NLGN1: variants seen among roughly 807,000 people sequenced by gnomAD.
NLGN1 encodes the protein neuroligin 1, also known as neuroligin-1.
Under a neutral mutation model 65.5 loss-of-function variants are expected in NLGN1, and 12 were observed. The observed-to-expected ratio is 0.18, with a 90% CI of 0.12 to 0.30. The LOEUF (loss-of-function observed/expected upper bound fraction) is 0.30, where lower values mean the gene tolerates loss of function less well. Ranked by LOEUF, NLGN1 falls within the 10% of genes least tolerant of loss-of-function variation. NLGN1 has a pLI of 1.00. For synonymous variants in NLGN1, 350 were observed against 359.5 expected (o/e 0.97, Z 0.30); for missense variants, 750 against 1,007.1 (o/e 0.74, Z 3.46).
chr3:173,947,020 TCA>T (rs1747299466), intron 4 of NLGN1, among the ~76,000 whole-genome samples: 1 of 151,568 alleles, frequency 6.6e-6, no homozygotes, highest in Non-Finnish European at 1.5e-5. Context: ...GGAAACAAAA[TCA>T]CAGATTGTTA....
chr3:174,109,934 A>G (rs1300452946), intron 4 of NLGN1, among the ~76,000 whole-genome samples: 1 of 152,072 alleles, frequency 6.6e-6, no homozygotes, highest in African/African-American at 2.4e-5. Context: ...AAAAGGAGCC[A>G]ATGCAAACGC....
intron 4 of NLGN1, among the ~76,000 whole-genome samples, chr3:173,952,930 A>G (rs1748506796): frequency 6.6e-6 from 1 of 151,734 alleles, no homozygotes; most frequent in Admixed American, 6.6e-5. Context: ...GGCACACAAC[A>G]CCCACACCAG....
intron 2 of NLGN1, among the ~76,000 whole-genome samples, chr3:173,538,886 TG>T (rs1737916032): frequency 6.6e-6 from 1 of 151,750 alleles, no homozygotes; most frequent in Non-Finnish European, 1.5e-5. Flanking sequence ...TTTTTTTTTT[TG>T]CTCATTCAGA....
At chr3:174,244,608 G>C (rs1743454531) in intron 4 of NLGN1, among the ~76,000 whole-genome samples, 1 of 152,158 alleles carries the variant, frequency 6.6e-6, no homozygotes, top group South Asian at 2.1e-4. Context: ...TTTAAAAGGA[G>C]ATGATTAAAA....
chr3:174,248,720 C>G (rs954243788), intron 4 of NLGN1, among the ~76,000 whole-genome samples: 3 of 152,164 alleles, frequency 2.0e-5, no homozygotes, highest in Non-Finnish European at 4.4e-5. Flanking sequence ...GAGATCGTGC[C>G]ACTGCACTGT....
At chr3:173,978,837 A>ATT in intron 4 of NLGN1, among the ~76,000 whole-genome samples, 1 of 143,944 alleles carries the variant, frequency 6.9e-6, no homozygotes, top group South Asian at 2.2e-4. Context: ...CTCTAATTAA[A>ATT]AAAAAAAAAA....
chr3:174,111,022 C>G (rs908137494), intron 4 of NLGN1, among the ~76,000 whole-genome samples: 2 of 151,926 alleles, frequency 1.3e-5, no homozygotes, highest in Non-Finnish European at 2.9e-5. Flanking sequence ...GGGCACCATC[C>G]AGCATTAAGC....
chr3:173,666,990 G>A (rs919488151), intron 3 of NLGN1, among the ~76,000 whole-genome samples: 7 of 151,956 alleles, frequency 4.6e-5, no homozygotes, highest in African/African-American at 1.7e-4. Context: ...GAACTTCTTG[G>A]ACATAAAATA....
At chr3:174,166,929 T>A (rs144494227) in intron 4 of NLGN1, among the ~76,000 whole-genome samples, 2 of 152,254 alleles carry the variant, frequency 1.3e-5, no homozygotes, top group Non-Finnish European at 2.9e-5. Context: ...TTTGTTAATA[T>A]GTAATGCCCT....
At chr3:173,564,354 C>T (rs868082707) in intron 2 of NLGN1, among the ~76,000 whole-genome samples, 1 of 152,324 alleles carries the variant, frequency 6.6e-6, no homozygotes. Flanking sequence ...CTTAGGAAGA[C>T]ATTAAGTAAA....
At chr3:174,015,122 A>G (rs1481038779) in intron 4 of NLGN1, among the ~76,000 whole-genome samples, 1 of 152,108 alleles carries the variant, frequency 6.6e-6, no homozygotes, top group Non-Finnish European at 1.5e-5. Context: ...ATTTGTTCTT[A>G]TAGAATTTAT....
At chr3:174,261,674 T>G (rs925122534) in intron 4 of NLGN1, among the ~76,000 whole-genome samples, 29 of 137,216 alleles carry the variant, frequency 2.1e-4, no homozygotes, top group Admixed American at 7.6e-4. Context: ...GAATACCCTT[T>G]ATTTCCTTCT....
At chr3:173,702,132 G>T (rs953070244) in intron 3 of NLGN1, among the ~76,000 whole-genome samples, 2 of 148,958 alleles carry the variant, frequency 1.3e-5, no homozygotes, top group Non-Finnish European at 3.0e-5. Context: ...CCAGCTACTC[G>T]GGAGGCTGAG....
intron 1 of NLGN1, among the ~76,000 whole-genome samples, chr3:173,404,315 A>T (rs951441225): frequency 6.6e-6 from 1 of 152,082 alleles, no homozygotes; most frequent in African/African-American, 2.4e-5. Context: ...TTTGTGATGG[A>T]TGTTGGTGAT....
In NLGN1 at chr3:173,978,862, G is replaced by A. The variant is rs565929098; in HGVS notation, c.646+171030G>A. 8.5e-5 allele frequency among the ~76,000 whole-genome samples: 12 copies of A among 141,690 alleles called. No homozygotes were observed. The East Asian group carries it at 2.1e-3, about 24-fold the overall frequency. The allele number at this position is 141,690 out of a possible 152,430, so 93.0% of individuals were successfully genotyped here. A position where few individuals can be genotyped will look rare whatever the true frequency, so the allele number is the denominator to read the frequency against. On this transcript the variant is annotated intron_variant, in intron 4 of 6. Transcript: ENST00000457714. The stretch of plus-strand genomic sequence containing the variant: ...AAAAAAAAAAAAAAAAAAAAAATTA[G>A]CCACTTGTGGCAGACATCTGTAATC...
chr3:174,247,551 G>A (rs546429557), intron 4 of NLGN1, among the ~76,000 whole-genome samples: 2 of 152,272 alleles, frequency 1.3e-5, no homozygotes, highest in South Asian at 4.2e-4. Context: ...TCATCTAAAT[G>A]ATTTTGTCAG....
chr3:174,049,248 C>T (rs919321959), intron 4 of NLGN1, among the ~76,000 whole-genome samples: 5 of 151,834 alleles, frequency 3.3e-5, no homozygotes, highest in African/African-American at 7.3e-5. Context: ...TTGATATTTT[C>T]GAAAAAGTTA....
intron 3 of NLGN1, among the ~76,000 whole-genome samples, chr3:173,647,666 C>T (rs964653778): frequency 2.0e-5 from 3 of 151,884 alleles, no homozygotes; most frequent in Non-Finnish European, 4.4e-5. Context: ...AGGAACTTCC[C>T]CTAAGCAGAC....
At chr3:174,088,636 C>A (rs949095851) in intron 4 of NLGN1, among the ~76,000 whole-genome samples, 2 of 151,560 alleles carry the variant, frequency 1.3e-5, no homozygotes, top group Non-Finnish European at 2.9e-5. Context: ...GCCTGTAGTC[C>A]CAGCTACTCG....
Sources: allele counts gnomAD v4.1 joint callset (sites outside exome capture counted in the v4.1 genomes callset), GRCh38; gene constraint gnomAD v4.1.1; transcripts MANE v1.5; gene names NCBI Gene and HGNC (gene_info 2026-07-23, HGNC 2026-07-21).